The following SENP1 variants were observed in gnomAD, a reference collection of about 807,000 sequenced individuals.
The protein encoded by SENP1 is SUMO specific peptidase 1.
A neutral mutation model predicts 93.0 loss-of-function variants in SENP1; 21 were observed. The ratio of observed to expected loss-of-function variants is 0.23; its 90% CI spans 0.16 to 0.33. SENP1 has a LOEUF of 0.33. Among genes scored for constraint, SENP1 ranks in the 10% least tolerant of loss-of-function variants. SENP1 has a pLI of 1.00. For missense variants in SENP1, 591 were observed against 758.7 expected (o/e 0.78, Z 2.60); for synonymous variants, 256 against 259.6 (o/e 0.99, Z 0.13).
chr12:48,103,371 T>C (rs1020476474), intron 1 of SENP1, among the ~76,000 whole-genome samples: 7 of 152,308 alleles, frequency 4.6e-5, no homozygotes, highest in Non-Finnish European at 1.0e-4. Flanking sequence ...TTTCAAACAT[T>C]ATACAACTTC....
Position 48,069,395 on chromosome 12 carries a change from T to C in SENP1, c.995+2272A>G, listed in dbSNP as rs143217417. Among the ~76,000 whole-genome samples the C allele has an allele frequency of 2.0e-4, 30 of 151,948 alleles. 1 individual carries two copies. The East Asian group carries it at 4.6e-3, about 23-fold the overall frequency. The stretch of plus-strand genomic sequence containing the variant: ...GCCAATAAACCAAGCCTCAGCAGAG[T>C]AGGCACCAACTTTGACAAAGAGCAT... On this transcript the variant is annotated intron_variant, in intron 9 of 17. Transcript: ENST00000549518.
At chr12:48,087,178 T>C (rs998091949) in intron 5 of SENP1, among the ~76,000 whole-genome samples, 2 of 152,142 alleles carry the variant, frequency 1.3e-5, no homozygotes, top group Non-Finnish European at 2.9e-5. Flanking sequence ...CTGAGAAAAT[T>C]TAAATATGAC....
intron 9 of SENP1, among the ~76,000 whole-genome samples, chr12:48,069,152 C>CAAAAAAA (rs10564674): frequency 2.4e-3 from 184 of 76,340 alleles, no homozygotes; most frequent in Non-Finnish European, 2.5e-3. Flanking sequence ...GACTCTGTCA[C>CAAAAAAA]AAAAAAAAAA....
At chr12:48,103,293 T>C (rs1252367277) in intron 1 of SENP1, among the ~76,000 whole-genome samples, 1 of 152,190 alleles carries the variant, frequency 6.6e-6, no homozygotes, top group Admixed American at 6.5e-5. Flanking sequence ...GTGACTTCCC[T>C]GAAATCACAC....
At chr12:48,052,433 T>C (rs968364283) in intron 13 of SENP1, among the ~76,000 whole-genome samples, 4 of 152,176 alleles carry the variant, frequency 2.6e-5, no homozygotes, top group Admixed American at 2.6e-4. Flanking sequence ...AGACAACTTT[T>C]GGGGGGACAA....
intron 13 of SENP1, chr12:48,054,821 C>A (rs1942100438): frequency 6.6e-6 from 1 of 152,268 alleles, no homozygotes; most frequent in Non-Finnish European, 1.5e-5. Context: ...TTCTTACAGA[C>A]AGCTTTTTAA....
chr12:48,097,985 G>A lies in SENP1; in HGVS notation c.135+9C>T. 1 of 1,610,836 alleles carries A rather than the reference G, an allele frequency of 6.2e-7. No homozygotes were observed. The highest frequency in any genetic ancestry group is 8.5e-7 in the Non-Finnish European group (1 of 1,178,406). ...ATTAATTAATTAAAGGAAGAAAATTGCTCCTAACCTGCTGGTCAGAAAGCG... is the reference window on the plus strand; with the variant it reads ...ATTAATTAATTAAAGGAAGAAAATTACTCCTAACCTGCTGGTCAGAAAGCG... On this transcript the variant is annotated intron_variant, in intron 3 of 17. Transcript: ENST00000549518.
intron 4 of SENP1, among the ~76,000 whole-genome samples, chr12:48,090,762 A>T (rs1231452713): frequency 6.6e-6 from 1 of 151,848 alleles, no homozygotes; most frequent in Non-Finnish European, 1.5e-5. Flanking sequence ...ATACATGCCT[A>T]ATTTTTCTAT....
chr12:48,096,156 G>C (rs1016041595), intron 4 of SENP1, among the ~76,000 whole-genome samples, 187 bp downstream of exon 4: 2 of 152,164 alleles, frequency 1.3e-5, no homozygotes, highest in Non-Finnish European at 2.9e-5. Flanking sequence ...ATTTGGATGA[G>C]ACAAAATCAG....
At chr12:48,050,724 A>G (rs1941735501) in intron 13 of SENP1, among the ~76,000 whole-genome samples, 1 of 152,254 alleles carries the variant, frequency 6.6e-6, no homozygotes, top group Non-Finnish European at 1.5e-5. Flanking sequence ...CCATAAATGC[A>G]GTAGGATCTT....
chr12:48,052,280 T>C (rs1213825862), intron 13 of SENP1, among the ~76,000 whole-genome samples: 1 of 152,260 alleles, frequency 6.6e-6, no homozygotes, highest in Non-Finnish European at 1.5e-5. Flanking sequence ...TGTTTTCTCA[T>C]GTTTTTAGAA....
intron 10 of SENP1, among the ~76,000 whole-genome samples, chr12:48,066,172 G>A (rs766774549): frequency 7.2e-5 from 11 of 152,054 alleles, no homozygotes; most frequent in Non-Finnish European, 1.3e-4. Flanking sequence ...AAGGAGAAAC[G>A]AATACAAGAT....
intron 9 of SENP1, among the ~76,000 whole-genome samples, chr12:48,069,033 A>G (rs1244955706): frequency 3.3e-5 from 5 of 151,642 alleles, no homozygotes; most frequent in African/African-American, 4.8e-5. Flanking sequence ...TATGCCTGTA[A>G]TCCCAGCTAC....
chr12:48,056,416 TATAGTAC>T (rs1411163224), intron 13 of SENP1, among the ~76,000 whole-genome samples: 1 of 115,446 alleles, frequency 8.7e-6, no homozygotes, highest in African/African-American at 3.6e-5. Context: ...AATTATTTAA[TATAGTAC>T]ATATTACATA....
At chr12:48,071,028 G>A (rs1291149884) in intron 9 of SENP1, among the ~76,000 whole-genome samples, 1 of 152,186 alleles carries the variant, frequency 6.6e-6, no homozygotes, top group Non-Finnish European at 1.5e-5. Flanking sequence ...AAGCTCCAGT[G>A]AGCCATGATT....
intron 4 of SENP1, among the ~76,000 whole-genome samples, chr12:48,089,498 C>T (rs1249263547): frequency 6.6e-6 from 1 of 152,200 alleles, no homozygotes; most frequent in Non-Finnish European, 1.5e-5. Context: ...CAAGGAATGA[C>T]CCATCATATA....
At chr12:48,085,748 G>T (rs188536027) in intron 5 of SENP1, among the ~76,000 whole-genome samples, 148 of 150,706 alleles carry the variant, frequency 9.8e-4, no homozygotes, top group African/African-American at 3.5e-3. Flanking sequence ...AAAGAATGGG[G>T]AAATGAGCAA....
intron 6 of SENP1, among the ~76,000 whole-genome samples, chr12:48,082,763 T>C (rs1175898743): frequency 1.3e-5 from 2 of 152,232 alleles, no homozygotes; most frequent in East Asian, 3.8e-4. Flanking sequence ...CAACAGAACA[T>C]CTTTCTTTTC....
intron 13 of SENP1, among the ~76,000 whole-genome samples, chr12:48,060,065 C>T (rs1942856566): frequency 6.6e-6 from 1 of 152,082 alleles, no homozygotes; most frequent in African/African-American, 2.4e-5. Flanking sequence ...TCTACCAGTC[C>T]CTCCTTCACA....
Sources: allele counts gnomAD v4.1 joint callset (sites outside exome capture counted in the v4.1 genomes callset), GRCh38; gene constraint gnomAD v4.1.1; transcripts MANE v1.5; gene names NCBI Gene and HGNC (gene_info 2026-07-23, HGNC 2026-07-21).